MMP26: variants seen among roughly 807,000 people sequenced by gnomAD.
MMP26 encodes matrix metalloproteinase-26.
MMP26 carries 33 observed loss-of-function variants against 31.0 expected under a neutral mutation model. The ratio of observed to expected loss-of-function variants is 1.06; its 90% CI spans 0.81 to 1.42. The LOEUF (loss-of-function observed/expected upper bound fraction) is 1.42, where lower values mean the gene tolerates loss of function less well. Among genes scored for constraint, MMP26 ranks in the 40% most tolerant of loss-of-function variants. The pLI is 0.00. For synonymous variants in MMP26, 122 were observed against 114.9 expected, an observed-to-expected ratio of 1.06 and a Z score of -0.40; for missense variants, 347 against 316.1, an observed-to-expected ratio of 1.10 and a Z score of -0.74.
chr11:4,801,961 G>A (rs2133452484), intron 2 of MMP26, among the ~76,000 whole-genome samples: 1 of 152,158 alleles, frequency 6.6e-6, no homozygotes, highest in Admixed American at 6.6e-5. Context: ...CCTCCCACTA[G>A]GCCCCACCTC....
At chr11:4,921,417 A>C (rs559554327) in intron 2 of MMP26, among the ~76,000 whole-genome samples, 58 of 152,344 alleles carry the variant, frequency 3.8e-4, no homozygotes, top group African/African-American at 1.3e-3. Flanking sequence ...AAATAAAATA[A>C]ATGACAGTGG....
chr11:4,799,403 C>T (rs1187796262), intron 2 of MMP26, among the ~76,000 whole-genome samples: 1 of 151,966 alleles, frequency 6.6e-6, no homozygotes, highest in Non-Finnish European at 1.5e-5. Flanking sequence ...ACAAGAAGCT[C>T]TCACATGAAC....
intron 1 of MMP26, among the ~76,000 whole-genome samples, chr11:4,744,305 A>C (rs532639376): frequency 1.3e-5 from 2 of 152,242 alleles, no homozygotes; most frequent in Non-Finnish European, 2.9e-5. Flanking sequence ...AAGCTGCCTT[A>C]AATAATAAAA....
In MMP26 at chr11:4,712,581, G is replaced by A. The variant is rs528500559; in HGVS notation, c.-217+7536G>A. On this transcript the variant is annotated intron_variant, in intron 1 of 7. Coordinates refer to ENST00000380390, the MANE Select transcript of MMP26 (RefSeq NM_021801.5). ...AAAAGTTTTCAAAAATAATTTTGAA[G>A]TTGGAGCAACCACATTTTTGGGTGT... 7.9e-5 allele frequency among the ~76,000 whole-genome samples: 12 copies of A among 152,228 alleles called. 1 individual carries two copies. The highest frequency in any genetic ancestry group is 7.8e-4 in the Admixed American group (12 of 15,292).
chr11:4,857,048 G>C (rs1850064226), intron 2 of MMP26, among the ~76,000 whole-genome samples: 1 of 152,126 alleles, frequency 6.6e-6, no homozygotes, highest in Non-Finnish European at 1.5e-5. Flanking sequence ...CAACATACCA[G>C]AATCTCTGGG....
At position 4,956,863 on chromosome 11, in the gene MMP26, A is replaced by G. The variant is rs377342936; in HGVS notation, c.-144-31205A>G. Among the ~76,000 whole-genome samples, 21 of 152,360 alleles carry G rather than the reference A, an allele frequency of 1.4e-4. No homozygotes were observed. In the East Asian group the frequency reaches 2.1e-3, roughly 15 times the overall value. ...AGATTCTTTGTCTTACATTTTGTAC[A>G]CAATAATGACCAATATTTCTTAGAA... On this transcript the variant is annotated intron_variant, in intron 2 of 7. Transcript: ENST00000380390.
chr11:4,965,987 C>T (rs976949989), intron 2 of MMP26, among the ~76,000 whole-genome samples: 1 of 151,998 alleles, frequency 6.6e-6, no homozygotes, highest in African/African-American at 2.4e-5. Flanking sequence ...TTTTTTATAC[C>T]GTTTAAGCAC....
chr11:4,874,567 T>G (rs908260469), intron 2 of MMP26, among the ~76,000 whole-genome samples: 5 of 149,940 alleles, frequency 3.3e-5, no homozygotes, highest in Admixed American at 2.0e-4. Context: ...GGTGTGTTGG[T>G]GTGTGTGTGT....
intron 2 of MMP26, among the ~76,000 whole-genome samples, chr11:4,864,158 G>A (rs1231287265): frequency 1.3e-5 from 2 of 152,050 alleles, no homozygotes; most frequent in African/African-American, 4.8e-5. Context: ...CGCCCATCAG[G>A]AACATATAAA....
intron 2 of MMP26, among the ~76,000 whole-genome samples, chr11:4,851,878 G>T (rs1589919647): frequency 6.6e-6 from 1 of 151,918 alleles, no homozygotes; most frequent in Non-Finnish European, 1.5e-5. Flanking sequence ...CAATGAAAAA[G>T]CAGTGGAACA....
intron 2 of MMP26, among the ~76,000 whole-genome samples, chr11:4,801,504 TTTTATTTATTTA>T (rs141208345): frequency 0.3 from 41,320 of 135,590 alleles, 6,662 homozygotes; most frequent in Middle Eastern, 0.45. Flanking sequence ...GTCCCGGACT[TTTTATTTATTTA>T]TTTATTTATT....
Position 4,988,104 on chromosome 11 carries a change from G to C in MMP26, c.-108G>C. ...GACGCCACTCACAGATTCAAAGAAA[G>C]GGCAAACTGGCAGAGTGAGTCATTG... On this transcript the variant is annotated 5_prime_UTR_variant, in exon 3 of 8. Coordinates refer to ENST00000380390, the MANE Select transcript of MMP26 (RefSeq NM_021801.5). The C allele has an allele frequency of 3.1e-6, 3 of 979,016 alleles. No individual in the cohort carries two copies. Among genetic ancestry groups the C allele is most frequent in the Non-Finnish European group, 5.0e-6 (3 of 605,824 alleles). 60.6% of individuals were successfully genotyped at this position (979,016 alleles called of 1,614,324 possible).
At chr11:4,903,591 C>T (rs1468432913) in intron 2 of MMP26, among the ~76,000 whole-genome samples, 1 of 152,072 alleles carries the variant, frequency 6.6e-6, no homozygotes, top group East Asian at 1.9e-4. Context: ...TGTAGTTTGT[C>T]TCACAATTTG....
intron 2 of MMP26, among the ~76,000 whole-genome samples, chr11:4,857,027 G>A (rs1028530279): frequency 1.3e-5 from 2 of 152,120 alleles, no homozygotes; most frequent in African/African-American, 4.8e-5. Context: ...AAACCAGTGA[G>A]AACAAAGACA....
intron 2 of MMP26, among the ~76,000 whole-genome samples, chr11:4,835,813 C>A (rs190791264): frequency 2.1e-4 from 32 of 152,112 alleles, no homozygotes; most frequent in Admixed American, 2.1e-3. Flanking sequence ...CTATAAAGCT[C>A]TTTATTCTGA....
chr11:4,966,180 G>A (rs1396527535), intron 2 of MMP26, among the ~76,000 whole-genome samples: 4 of 152,168 alleles, frequency 2.6e-5, no homozygotes, highest in Non-Finnish European at 1.5e-5. Flanking sequence ...GACTACTACA[G>A]TGTGCTCTTA....
chr11:4,706,323 G>C (rs1336878702), intron 1 of MMP26, among the ~76,000 whole-genome samples: 1 of 151,566 alleles, frequency 6.6e-6, no homozygotes, highest in Non-Finnish European at 1.5e-5. Context: ...CACTTTGGAG[G>C]CCAAGGCAGG....
chr11:4,716,650 C>CTTTTTTT lies in MMP26; in HGVS notation c.-217+11627_-217+11633dup, dbSNP rs71050424. 3.0e-3 allele frequency among the ~76,000 whole-genome samples: 192 copies of CTTTTTTT among 65,034 alleles called. 39 individuals are homozygous for CTTTTTTT. Among genetic ancestry groups the CTTTTTTT allele is most frequent in the East Asian group, 7.5e-3 (16 of 2,122 alleles). The allele number at this position is 65,034 out of a possible 152,430, so 42.7% of individuals were successfully genotyped here. A position where few individuals can be genotyped will look rare whatever the true frequency, so the allele number is the denominator to read the frequency against. On this transcript the variant is annotated intron_variant, in intron 1 of 7. Coordinates refer to ENST00000380390, the MANE Select transcript of MMP26 (RefSeq NM_021801.5). The stretch of plus-strand genomic sequence containing the variant: ...ATTCCATACTTGATCTCTCTTACCT[C>CTTTTTTT]TTTTTTTTTTTTTTTTTTTTTTTTT...
chr11:4,707,242 CTG>C (rs1847792506), intron 1 of MMP26, among the ~76,000 whole-genome samples: 1 of 152,112 alleles, frequency 6.6e-6, no homozygotes, highest in Non-Finnish European at 1.5e-5. Context: ...TTATATCTCA[CTG>C]TGATTTTGAT....
Sources: gnomAD v4.1 joint callset for allele counts (sites outside exome capture counted in the v4.1 genomes callset) on GRCh38, gnomAD v4.1.1 for gene constraint, MANE v1.5 for transcripts, NCBI Gene and HGNC (gene_info 2026-07-23, HGNC 2026-07-21) for gene names.